The following PEBP4 variants were observed in gnomAD, a reference collection of about 807,000 sequenced individuals.
PEBP4 encodes the protein phosphatidylethanolamine binding protein 4, also known as phosphatidylethanolamine-binding protein 4.
In PEBP4, 22 loss-of-function variants were observed where a neutral mutation model predicts 23.9. The ratio of observed to expected loss-of-function variants is 0.92; its 90% confidence interval spans 0.66 to 1.31. PEBP4 has a LOEUF of 1.31. Ranked by LOEUF, PEBP4 falls within the 40% of genes most tolerant of loss-of-function variation. The probability of loss-of-function intolerance (pLI) is 0.00; values close to 1 mark genes in which losing one functional copy is unlikely to be tolerated. For missense variants in PEBP4, 324 were observed against 281.7 expected, an observed-to-expected ratio of 1.15 and a Z score of -1.07; for synonymous variants, 112 against 99.3, an observed-to-expected ratio of 1.13 and a Z score of -0.76.
intron 4 of PEBP4, chr8:22,744,513 G>C (rs1287769517): frequency 6.6e-6 from 1 of 152,262 alleles, no homozygotes; most frequent in Non-Finnish European, 1.5e-5. Context: ...ATTGGGGTCA[G>C]TGGAGGGCAG....
chr8:22,839,263 T>C (rs1807271633), intron 3 of PEBP4, among the ~76,000 whole-genome samples: 1 of 152,060 alleles, frequency 6.6e-6, no homozygotes, highest in African/African-American at 2.4e-5. Context: ...TCAGCCCCAG[T>C]TGAGGTGGGT....
At chr8:22,762,093 G>A (rs1177733192) in intron 4 of PEBP4, among the ~76,000 whole-genome samples, 7 of 145,778 alleles carry the variant, frequency 4.8e-5, no homozygotes, top group African/African-American at 7.6e-5. Context: ...TATTGTGCCA[G>A]AAAAAAAAAT....
Position 22,824,378 on chromosome 8 carries a change from T to G in PEBP4, c.259-6643A>C, listed in dbSNP as rs545509831. ...AGACTGCTCTCCCTCCCTGCCCTGA[T>G]GTTCCCCGTGGCCCCTCCTGTCCCT... is the stretch of plus-strand genomic sequence containing the variant. On this transcript the variant is annotated intron_variant, in intron 3 of 6. Coordinates refer to ENST00000256404, the MANE Select transcript of PEBP4 (RefSeq NM_144962.3). 1.2e-4 allele frequency among the ~76,000 whole-genome samples: 18 copies of G among 152,274 alleles called. 2 individuals carry two copies. The highest frequency in any genetic ancestry group is 4.3e-4 in the African/African-American group (18 of 41,550).
chr8:22,870,416 C>T (rs905870037), intron 3 of PEBP4, among the ~76,000 whole-genome samples: 2 of 152,120 alleles, frequency 1.3e-5, no homozygotes, highest in African/African-American at 4.8e-5. Flanking sequence ...TATCAGCAGT[C>T]GCCAGGGGTC....
chr8:22,752,357 G>T (rs1371960012), intron 4 of PEBP4, among the ~76,000 whole-genome samples: 2 of 152,208 alleles, frequency 1.3e-5, no homozygotes, highest in African/African-American at 4.8e-5. Context: ...CTTTGTGAAA[G>T]AACTTCTCTT....
intron 4 of PEBP4, among the ~76,000 whole-genome samples, chr8:22,772,062 G>C (rs1805727661): frequency 6.6e-6 from 1 of 152,200 alleles, no homozygotes; most frequent in Admixed American, 6.5e-5. Flanking sequence ...GTGAAGCCAA[G>C]AACCCTCACA....
At chr8:22,744,691 G>A (rs1431295132) in intron 4 of PEBP4, 2 of 152,302 alleles carry the variant, frequency 1.3e-5, no homozygotes, top group Non-Finnish European at 2.9e-5. Flanking sequence ...CATTTAGAGA[G>A]GCACAGCTCC....
rs56231228 is a variant in PEBP4, at chr8:22,784,909, C to G, written c.357+32728G>C. Reference sequence around the variant, plus strand: ...AAAGGCAGCGAGCCGGAGGGGGGACCGTCAGGAACGCTCTGGGATCCATCT... The same window carrying G: ...AAAGGCAGCGAGCCGGAGGGGGGACGGTCAGGAACGCTCTGGGATCCATCT... On this transcript the variant is annotated intron_variant, in intron 4 of 6. Transcript: ENST00000256404. 2.6e-5 allele frequency among the ~76,000 whole-genome samples: 4 copies of G among 152,162 alleles called. No homozygotes were observed. In the East Asian group the frequency reaches 7.7e-4, roughly 29 times the overall value.
intron 3 of PEBP4, chr8:22,884,411 T>G (rs1195785968): frequency 6.6e-6 from 1 of 152,258 alleles, no homozygotes; most frequent in African/African-American, 2.4e-5. Flanking sequence ...GCACTGTCTT[T>G]GCTGCTGAGC....
At chr8:22,794,357 T>A (rs917474932) in intron 4 of PEBP4, among the ~76,000 whole-genome samples, 1 of 152,148 alleles carries the variant, frequency 6.6e-6, no homozygotes, top group African/African-American at 2.4e-5. Context: ...AGTAGCTCAA[T>A]CTCTGCTCAC....
chr8:22,899,009 A>G (rs1188583214), intron 3 of PEBP4, among the ~76,000 whole-genome samples: 1 of 152,172 alleles, frequency 6.6e-6, no homozygotes, highest in Non-Finnish European at 1.5e-5. Flanking sequence ...ACTAAAGTCC[A>G]TTGTCCCAGA....
rs117188802 is a variant in PEBP4 at position 22,781,894 on chromosome 8, C to G, written c.357+35743G>C. Among the ~76,000 whole-genome samples, 429 of 152,340 alleles carry G rather than the reference C, an allele frequency of 2.8e-3. 8 individuals are homozygous for G. The highest frequency in any genetic ancestry group is 0.027 in the East Asian group (138 of 5,180). On this transcript the variant is annotated intron_variant, in intron 4 of 6. Transcript: ENST00000256404. Reference sequence around the variant, plus strand: ...TTCTGCAGGTGACAGAGCTGGGCCTCTCTCAGCAAGGCCCAGGTAACCCGG... The same window carrying G: ...TTCTGCAGGTGACAGAGCTGGGCCTGTCTCAGCAAGGCCCAGGTAACCCGG...
intron 3 of PEBP4, among the ~76,000 whole-genome samples, chr8:22,829,090 C>T (rs931221789): frequency 6.6e-6 from 1 of 152,202 alleles, no homozygotes; most frequent in African/African-American, 2.4e-5. Context: ...TGCACAGCAG[C>T]GATTTTCTTC....
Position 22,927,574 on chromosome 8 carries a change from CCTGA to C in PEBP4, c.131+6_131+9del. ...CTGTGCCTCCCGCCTCCAAGCCTGC[CCTGA>C]CTTACTGGCAAAAGAGGGTGTCCTC... On this transcript the variant is annotated splice_donor_region_variant and intron_variant, in intron 2 of 6. Coordinates refer to ENST00000256404, the MANE Select transcript of PEBP4 (RefSeq NM_144962.3). The C allele has an allele frequency of 1.2e-6, 2 of 1,608,416 alleles. No homozygotes were observed. Among genetic ancestry groups the C allele is most frequent in the African/African-American group, 2.7e-5 (2 of 74,838 alleles).
chr8:22,854,808 A>C (rs148951834), intron 3 of PEBP4, among the ~76,000 whole-genome samples: 30 of 152,222 alleles, frequency 2.0e-4, no homozygotes, highest in African/African-American at 7.2e-4. Flanking sequence ...TGCTCAATGC[A>C]TATCTTCTCC....
In PEBP4 at chr8:22,865,462, GC is replaced by G. The variant is rs1807871599; in HGVS notation, c.259-47728del. Among the ~76,000 whole-genome samples, 1 of 151,988 alleles carries G rather than the reference GC, an allele frequency of 6.6e-6. No individual in the cohort carries two copies. Among genetic ancestry groups the G allele is most frequent in the South Asian group, 2.1e-4 (1 of 4,816 alleles). On this transcript the variant is annotated intron_variant, in intron 3 of 6. Coordinates refer to ENST00000256404, the MANE Select transcript of PEBP4 (RefSeq NM_144962.3). This position sits in a 1 kb window ranked among gnomAD's most constrained non-coding sequence, Gnocchi z 6.9. ...GGGCGGGGGCCGCACTTTCCCCGCC[GC>G]GAGGTGGAGCGCGCCACCGCCCCCC...
At chr8:22,847,290 G>A (rs1237626452) in intron 3 of PEBP4, among the ~76,000 whole-genome samples, 2 of 152,152 alleles carry the variant, frequency 1.3e-5, no homozygotes, top group Non-Finnish European at 2.9e-5. Context: ...GGCATACAAC[G>A]CTTTAAGGTG....
chr8:22,879,465 G>C (rs933591582), intron 3 of PEBP4: 1 of 152,182 alleles, frequency 6.6e-6, no homozygotes, highest in African/African-American at 2.4e-5. Context: ...CTCTCAAAAG[G>C]AATGTTGACT....
At chr8:22,826,161 T>C (rs1392785739) in intron 3 of PEBP4, among the ~76,000 whole-genome samples, 1 of 152,190 alleles carries the variant, frequency 6.6e-6, no homozygotes, top group Non-Finnish European at 1.5e-5. Flanking sequence ...CTCAAAAATC[T>C]TTTGAGTATA....
Sources: gnomAD v4.1 joint callset for allele counts (sites outside exome capture counted in the v4.1 genomes callset) on GRCh38, gnomAD v4.1.1 for gene constraint, Gnocchi (gnomAD v3.1) non-coding constraint, MANE v1.5 for transcripts, NCBI Gene and HGNC (gene_info 2026-07-23, HGNC 2026-07-21) for gene names.